FRMPD3: variants seen among roughly 807,000 people sequenced by gnomAD.
FRMPD3 encodes FERM and PDZ domain containing 3, also known as FERM and PDZ domain-containing protein 3.
A neutral mutation model predicts 97.9 loss-of-function variants in FRMPD3; 42 were observed. The observed-to-expected ratio is 0.43, with a 90% confidence interval of 0.34 to 0.55. The LOEUF (loss-of-function observed/expected upper bound fraction) is 0.55. Among genes scored for constraint, FRMPD3 ranks in the 20% least tolerant of loss-of-function variants. FRMPD3 has a pLI of 0.03. For missense variants in FRMPD3, 1,303 were observed against 1,457.7 expected (o/e 0.89, Z 1.73); for synonymous variants, 577 against 581.1 (o/e 0.99, Z 0.10).
At chrX:107,566,914 G>A (rs1188720929) in intron 12 of FRMPD3, among the ~76,000 whole-genome samples, 1 of 111,428 alleles carries the variant, frequency 9.0e-6, no homozygotes, top group Non-Finnish European at 1.9e-5. Context: ...CACAGTTGTG[G>A]GAATGAATGC....
intron 1 of FRMPD3, among the ~76,000 whole-genome samples, chrX:107,457,704 T>C (rs1931400940): frequency 8.9e-6 from 1 of 112,069 alleles, no homozygotes; most frequent in Non-Finnish European, 1.9e-5. Flanking sequence ...TTCACTGGAC[T>C]CTGACAAAGC....
intron 1 of FRMPD3, among the ~76,000 whole-genome samples, chrX:107,509,368 T>C (rs1038684755): frequency 2.7e-5 from 3 of 111,247 alleles, no homozygotes; most frequent in African/African-American, 9.8e-5. Context: ...AGACCTTCCA[T>C]GTGTAGCTTT....
chrX:107,581,024 C>T (rs749692742), intron 13 of FRMPD3, among the ~76,000 whole-genome samples: 1 of 111,574 alleles, frequency 9.0e-6, no homozygotes, highest in East Asian at 2.8e-4. Context: ...ATACTATTAC[C>T]TACCTCATGA....
intron 7 of FRMPD3, 119 bp downstream of exon 7, chrX:107,553,045 T>A (rs1198723909): frequency 1.3e-6 from 1 of 797,349 alleles, no homozygotes; most frequent in Admixed American, 3.4e-5. Context: ...AAGTCACAGT[T>A]CTCACCCAAA....
At chrX:107,502,099 C>T (rs1343964392) in intron 1 of FRMPD3, among the ~76,000 whole-genome samples, 1 of 110,815 alleles carries the variant, frequency 9.0e-6, no homozygotes, top group African/African-American at 3.3e-5. Flanking sequence ...TGCACGTTAA[C>T]AAAGCAGCTC....
rs758643972 is a variant in FRMPD3 at position 107,602,914 on chromosome X, C to T, written c.4875C>T (p.Ser1625=). 5.2e-5 allele frequency: 63 copies of T among 1,209,891 alleles called. No homozygotes were observed. Among genetic ancestry groups the T allele is most frequent in the South Asian group, 1.2e-4 (7 of 56,838 alleles). ...CCAAGCCCTATGTGTCTCAGATCTC[C>T]GAGTATAAGCTTGAGCTAGCTCTCA... ...RAPKPYVSQI[S]EYKLELALKF... Residue 1625 remains serine, a synonymous_variant, in exon 15 of 15, where the codon TCC becomes TCT. Coordinates refer to ENST00000683843, the MANE Select transcript of FRMPD3 (RefSeq NM_001388459.1).
At chrX:107,573,274 TG>T (rs1322721429) in intron 12 of FRMPD3, among the ~76,000 whole-genome samples, 1 of 110,937 alleles carries the variant, frequency 9.0e-6, no homozygotes, top group Non-Finnish European at 1.9e-5. Context: ...GCAGTAGGGA[TG>T]GCCGCGATGT....
At chrX:107,570,114 AAG>A (rs959797856) in intron 12 of FRMPD3, among the ~76,000 whole-genome samples, 5 of 97,425 alleles carry the variant, frequency 5.1e-5, no homozygotes, top group East Asian at 3.3e-4. Flanking sequence ...GAGAGAGAAA[AAG>A]AGAGCGAGGA....
intron 1 of FRMPD3, among the ~76,000 whole-genome samples, chrX:107,482,298 C>T (rs745730114): frequency 9.0e-4 from 100 of 111,416 alleles, no homozygotes; most frequent in African/African-American, 3.1e-3. Context: ...TCAGCAGAGG[C>T]TTACTGGAAA....
chrX:107,602,915 G>T lies in FRMPD3; in HGVS notation c.4876G>T (p.Glu1626Ter). 1 of 1,211,231 alleles carries T rather than the reference G, an allele frequency of 8.3e-7. No individual in the cohort carries two copies. Among genetic ancestry groups the T allele is most frequent in the Non-Finnish European group, 1.1e-6 (1 of 895,457 alleles). ...CAAGCCCTATGTGTCTCAGATCTCC[G>T]AGTATAAGCTTGAGCTAGCTCTCAA... The part of the protein sequence containing the change: ...APKPYVSQIS[E>*]YKLELALKFK... Residue 1626 changes from glutamate to a stop codon, truncating the protein, a stop_gained, in exon 15 of 15, where the codon GAG becomes TAG. Transcript: ENST00000683843. LOFTEE classifies it high-confidence loss of function.
intron 4 of FRMPD3, among the ~76,000 whole-genome samples, chrX:107,540,843 G>T (rs1921261771): frequency 8.9e-6 from 1 of 112,410 alleles, no homozygotes; most frequent in Admixed American, 9.4e-5. Flanking sequence ...TTAAAATCTG[G>T]TGTGAGCCTA....
intron 4 of FRMPD3, among the ~76,000 whole-genome samples, chrX:107,537,353 T>A (rs965672142): frequency 2.7e-5 from 3 of 111,900 alleles, no homozygotes; most frequent in African/African-American, 6.5e-5. Context: ...GACACTCTTC[T>A]AGGCTGGGAA....
chrX:107,450,397 G>A (rs1298047279), intron 1 of FRMPD3, among the ~76,000 whole-genome samples: 1 of 111,316 alleles, frequency 9.0e-6, no homozygotes, highest in Non-Finnish European at 1.9e-5. Context: ...CTTAGCCGGG[G>A]TGCCCGGCGA....
At chrX:107,564,324 C>T (rs1169998466) in intron 11 of FRMPD3, among the ~76,000 whole-genome samples, 1 of 112,698 alleles carries the variant, frequency 8.9e-6, no homozygotes, top group Non-Finnish European at 1.9e-5. Context: ...CATTAAAAGG[C>T]AAATCTCTGC....
chrX:107,540,618 G>A (rs977091189), intron 4 of FRMPD3, among the ~76,000 whole-genome samples: 1 of 112,121 alleles, frequency 8.9e-6, no homozygotes, highest in African/African-American at 3.2e-5. Context: ...GAGGTACTTA[G>A]CAATTCTAGT....
intron 1 of FRMPD3, among the ~76,000 whole-genome samples, chrX:107,464,446 G>A (rs151018869): frequency 1.1e-3 from 123 of 110,399 alleles, no homozygotes; most frequent in Middle Eastern, 4.7e-3. Flanking sequence ...CTGGGGTTCC[G>A]TGAACCTCCT....
rs773233870 is a variant in FRMPD3, at chrX:107,489,934, T to G, written c.-7-36648T>G. On this transcript the variant is annotated intron_variant, in intron 1 of 14. Coordinates refer to ENST00000683843, the MANE Select transcript of FRMPD3 (RefSeq NM_001388459.1). ...GCCCATGCCTATATCCTGAATGGTA[T>G]TGCCTAGGTTTTCTTCTAGGGTTTT... Among the ~76,000 whole-genome samples, 47 of 112,038 alleles carry G rather than the reference T, an allele frequency of 4.2e-4. 1 individual carries two copies. The South Asian group carries it at 0.018, about 42-fold the overall frequency.
At chrX:107,494,543 C>G (rs774611227) in intron 1 of FRMPD3, among the ~76,000 whole-genome samples, 10 of 111,973 alleles carry the variant, frequency 8.9e-5, no homozygotes, top group Non-Finnish European at 1.9e-4. Context: ...AATCCACAGG[C>G]TTTTCGGGGG....
intron 4 of FRMPD3, among the ~76,000 whole-genome samples, chrX:107,542,412 A>G (rs1016899350): frequency 1.1e-4 from 12 of 111,541 alleles, no homozygotes; most frequent in African/African-American, 3.9e-4. Flanking sequence ...TTTGGAAATC[A>G]TCAGAAGCTT....
Sources: gnomAD v4.1 joint callset for allele counts (sites outside exome capture counted in the v4.1 genomes callset) on GRCh38, gnomAD v4.1.1 for gene constraint, MANE v1.5 for transcripts, NCBI Gene and HGNC (gene_info 2026-07-23, HGNC 2026-07-21) for gene names.